Variants in C19orf47 observed in about 807,000 individuals in gnomAD.
C19orf47 encodes uncharacterized protein C19orf47.
C19orf47 carries 18 observed loss-of-function variants against 32.3 expected under a neutral mutation model. The ratio of observed to expected loss-of-function variants is 0.56; its 90% CI spans 0.39 to 0.83. C19orf47 has a LOEUF of 0.83. Ranked by LOEUF, C19orf47 falls within the 40% of genes least tolerant of loss-of-function variation. The pLI, the probability that C19orf47 is intolerant of heterozygous loss-of-function variation, is 0.00. For missense variants in C19orf47, 484 were observed against 531.6 expected, an observed-to-expected ratio of 0.91 and a Z score of 0.88; for synonymous variants, 202 against 211.1, an observed-to-expected ratio of 0.96 and a Z score of 0.37.
At chr19:40,314,030 A>G in the C19orf47 span, among the ~76,000 whole-genome samples, 1 of 152,174 alleles carries the variant, frequency 6.6e-6, no homozygotes, top group Non-Finnish European at 1.5e-5. Flanking sequence ...CTGCAATTAA[A>G]AGGACCAGGC....
intron 6 of C19orf47, among the ~76,000 whole-genome samples, chr19:40,327,558 G>A (rs527675914): frequency 9.9e-5 from 15 of 152,226 alleles, no homozygotes; most frequent in African/African-American, 2.9e-4. Flanking sequence ...GGAGGTGGAC[G>A]GGGCGTGATA....
At chr19:40,322,480 A>C in intron 8 of C19orf47, 104 bp from the exon 9 acceptor site, 3 of 1,326,256 alleles carry the variant, frequency 2.3e-6, no homozygotes, top group Non-Finnish European at 3.0e-6. Flanking sequence ...CACAGTTGGG[A>C]GAAACACCCA....
At position 40,321,957 on chromosome 19, in the gene C19orf47, G is replaced by A. The variant is rs771041175; in HGVS notation, c.1083C>T (p.Ser361=). Residue 361 remains serine, a synonymous_variant, in exon 9 of 9, where the codon AGC becomes AGT. Transcript: ENST00000683109. ...TLVGPRGSSS[S]EGLGAQMDHA... ...GGTCCATCTGGGCACCAAGGCCCTC[G>A]CTGGAGCTGCTCCCCCGGGGCCCCA... The A allele has an allele frequency of 1.1e-5, 17 of 1,613,646 alleles. 1 individual carries two copies. In the South Asian group the frequency reaches 1.3e-4, roughly 13 times the overall value.
At chr19:40,297,167 CA>C in the C19orf47 span, among the ~76,000 whole-genome samples, 2 of 151,868 alleles carry the variant, frequency 1.3e-5, no homozygotes, top group Non-Finnish European at 2.9e-5. Context: ...TTCTGACTTA[CA>C]AAAAAAATTA....
At chr19:40,336,859 AAAG>A (rs1349818866) in intron 2 of C19orf47, among the ~76,000 whole-genome samples, 2 of 152,136 alleles carry the variant, frequency 1.3e-5, no homozygotes, top group African/African-American at 4.8e-5. Flanking sequence ...AGGTGGCTGG[AAAG>A]AAGCATCATA....
chr19:40,336,335 A>G lies in C19orf47; in HGVS notation c.92T>C (p.Met31Thr), dbSNP rs1399667485. ...GCCTCCTCACCTATTATCCACAAACATCACGGCATAATTGACGGCAGGTCC... is the reference window on the plus strand; with the variant it reads ...GCCTCCTCACCTATTATCCACAAACGTCACGGCATAATTGACGGCAGGTCC... ...PPGPAVNYAV[M>T]FVDNRIQKSM... Residue 31 changes from methionine to threonine, a missense_variant, in exon 3 of 9, where the codon ATG becomes ACG. By Grantham distance (81) the Met-to-Thr change is moderately conservative (BLOSUM62 -1). Transcript: ENST00000683109. 5.6e-6 allele frequency: 9 copies of G among 1,614,126 alleles called. No homozygotes were observed. The highest frequency in any genetic ancestry group is 3.3e-5 in the Admixed American group (2 of 60,006).
chr19:40,330,536 C>CTGAA, intron 5 of C19orf47, among the ~76,000 whole-genome samples: 1 of 125,608 alleles, frequency 8.0e-6, no homozygotes, highest in Non-Finnish European at 1.6e-5. Flanking sequence ...CCATACCCGG[C>CTGAA]CCTCTTTTTT....
At chr19:40,338,534 G>A (rs971965524) in intron 2 of C19orf47, among the ~76,000 whole-genome samples, 7 of 151,794 alleles carry the variant, frequency 4.6e-5, no homozygotes, top group Non-Finnish European at 5.9e-5. Flanking sequence ...ACAGCCACGC[G>A]CCACCATGAA....
Position 40,330,972 on chromosome 19 carries a change from T to C in C19orf47, c.302-2422A>G, listed in dbSNP as rs188429426. Reference sequence around the variant, plus strand: ...GCTGGTCATGTTTCCATTACTGGATTTGGGTGCTGGCTACATGGGTGTCCC... The same window carrying C: ...GCTGGTCATGTTTCCATTACTGGATCTGGGTGCTGGCTACATGGGTGTCCC... On this transcript the variant is annotated intron_variant, in intron 5 of 8. Transcript: ENST00000683109. 5.3e-5 allele frequency among the ~76,000 whole-genome samples: 8 copies of C among 152,300 alleles called. No homozygotes were observed. In the East Asian group the frequency reaches 1.2e-3, roughly 22 times the overall value.
chr19:40,305,825 C>A, the C19orf47 span, among the ~76,000 whole-genome samples: 12 of 152,058 alleles, frequency 7.9e-5, no homozygotes, highest in Admixed American at 7.9e-4. Flanking sequence ...TGTTAAATTT[C>A]TTGTTTTGAT....
rs1448452150 is a variant in C19orf47, at chr19:40,341,841, A to G, written c.17T>C (p.Met6Thr). Residue 6 changes from methionine (M) to threonine (T), a missense_variant and splice_region_variant, in exon 2 of 9, where the codon ATG becomes ACG. By Grantham distance (81) the Met-to-Thr change is moderately conservative. Coordinates refer to ENST00000683109, the MANE Select transcript of C19orf47 (RefSeq NM_001256441.2). ...TGGAGAGAAGGCCACAGACTCACCC[A>G]TAGTCACGGAGACCATCGTCTCCCT... is the stretch of plus-strand genomic sequence containing the variant. Reference protein sequence around the residue: MVSVTMATSEWIQFFK... With the variant: MVSVTTATSEWIQFFK... 3.3e-6 allele frequency: 5 copies of G among 1,536,168 alleles called. No individual in the cohort carries two copies. The highest frequency in any genetic ancestry group is 1.2e-5 in the South Asian group (1 of 84,062).
Position 40,328,477 on chromosome 19 carries a change from G to A in C19orf47, c.375C>T (p.Thr125=). 1.2e-6 allele frequency: 2 copies of A among 1,612,412 alleles called. No individual in the cohort carries two copies. Among genetic ancestry groups the A allele is most frequent in the Non-Finnish European group, 1.7e-6 (2 of 1,179,230 alleles). Residue 125 remains threonine (T), a synonymous_variant, in exon 6 of 9, where the codon ACC becomes ACT. Transcript: ENST00000683109. The part of the protein sequence containing the change: ...PPSTPPRRPD[T]STSKISVTVS... ...CAGTGACCGAGATCTTGGAGGTGCT[G>A]GTGTCCGGGCGCCTGGGGGGTGTGC... is the stretch of plus-strand genomic sequence containing the variant.
downstream of C19orf47, among the ~76,000 whole-genome samples, chr19:40,319,043 G>A (rs927487560): frequency 4.6e-5 from 7 of 151,946 alleles, no homozygotes; most frequent in East Asian, 1.9e-4. Flanking sequence ...AGGCTGAGGC[G>A]GGCGGATCAC....
At chr19:40,334,156 T>C (rs2078012041) in intron 4 of C19orf47, among the ~76,000 whole-genome samples, 3 of 152,172 alleles carry the variant, frequency 2.0e-5, no homozygotes, top group South Asian at 2.1e-4. Context: ...TCCTCACCTA[T>C]TGAAAAAATA....
At chr19:40,336,001 T>C in intron 4 of C19orf47, 109 bp downstream of exon 4, 2 of 916,490 alleles carry the variant, frequency 2.2e-6, no homozygotes, top group South Asian at 1.5e-5. Context: ...GAACCAGCCC[T>C]GGAACCTGGG....
rs750126147 is a variant in C19orf47 at position 40,341,862 on chromosome 19, T to C, written c.-5A>G. Reference sequence around the variant, plus strand: ...ACCCATAGTCACGGAGACCATCGTCTCCCTGGCCCTGACACTGCTCCCTGG... The same window carrying C: ...ACCCATAGTCACGGAGACCATCGTCCCCCTGGCCCTGACACTGCTCCCTGG... On this transcript the variant is annotated 5_prime_UTR_variant, in exon 2 of 9. Transcript: ENST00000683109. 2 of 1,536,098 alleles carry C rather than the reference T, an allele frequency of 1.3e-6. No individual in the cohort carries two copies. Among genetic ancestry groups the C allele is most frequent in the South Asian group, 2.4e-5 (2 of 84,052 alleles).
In C19orf47 at chr19:40,334,622, C is replaced by T. The variant is rs144574280; in HGVS notation, c.223-693G>A. Reference sequence around the variant, plus strand: ...AACTAGCTGGGCATGGTGGCGCACGCCTGTAATCCCAATCACTCGGGTGGC... The same window carrying T: ...AACTAGCTGGGCATGGTGGCGCACGTCTGTAATCCCAATCACTCGGGTGGC... On this transcript the variant is annotated intron_variant, in intron 4 of 8. Coordinates refer to ENST00000683109, the MANE Select transcript of C19orf47 (RefSeq NM_001256441.2). 2.9e-3 allele frequency among the ~76,000 whole-genome samples: 435 copies of T among 152,304 alleles called. 1 individual carries two copies. Among genetic ancestry groups the T allele is most frequent in the African/African-American group, 9.8e-3 (408 of 41,566 alleles).
chr19:40,348,457 C>A, upstream of C19orf47: 1 of 1,501,422 alleles, frequency 6.7e-7, no homozygotes, highest in Middle Eastern at 1.7e-4. Context: ...TGAACTGACT[C>A]GTCCGCGGCC....
chr19:40,321,698 C>A lies in C19orf47; in HGVS notation c.*184G>T. ...GTCCTGGAGCAGGCCAGGCCAGCTGCGACGACCATCCCAGGCTAGGAGAAA... is the reference window on the plus strand; with the variant it reads ...GTCCTGGAGCAGGCCAGGCCAGCTGAGACGACCATCCCAGGCTAGGAGAAA... On this transcript the variant is annotated 3_prime_UTR_variant, in exon 9 of 9. Coordinates refer to ENST00000683109, the MANE Select transcript of C19orf47 (RefSeq NM_001256441.2). The A allele has an allele frequency of 2.1e-6, 3 of 1,417,934 alleles. No individual in the cohort carries two copies. The highest frequency in any genetic ancestry group is 2.7e-6 in the Non-Finnish European group (3 of 1,091,778). The allele number at this position is 1,417,934 out of a possible 1,614,324, so 87.8% of individuals were successfully genotyped here.
Sources: allele counts gnomAD v4.1 joint callset (sites outside exome capture counted in the v4.1 genomes callset), GRCh38; gene constraint gnomAD v4.1.1; transcripts MANE v1.5; gene names NCBI Gene and HGNC (gene_info 2026-07-23, HGNC 2026-07-21).